Variants in HPSE2 observed in about 807,000 individuals in gnomAD.
The protein encoded by HPSE2 is inactive heparanase-2.
HPSE2 carries 38 observed loss-of-function variants against 60.5 expected under a neutral mutation model. The ratio of observed to expected loss-of-function variants is 0.63; its 90% CI spans 0.48 to 0.82. The LOEUF is 0.82. Among genes scored for constraint, HPSE2 ranks in the 40% least tolerant of loss-of-function variants. The probability of loss-of-function intolerance (pLI) is 0.00; values close to 1 mark genes in which losing one functional copy is unlikely to be tolerated. For missense variants in HPSE2, 713 were observed against 740.4 expected (o/e 0.96, Z 0.43); for synonymous variants, 295 against 293.2 (o/e 1.01, Z -0.06).
At chr10:98,763,967 T>G (rs1042630162) in intron 3 of HPSE2, among the ~76,000 whole-genome samples, 1 of 152,092 alleles carries the variant, frequency 6.6e-6, no homozygotes, top group Non-Finnish European at 1.5e-5. Flanking sequence ...TTAAAAGATG[T>G]ATGGCAGTTT....
the HPSE2 span, among the ~76,000 whole-genome samples, chr10:99,274,278 C>T: frequency 3.9e-5 from 6 of 152,260 alleles, no homozygotes; most frequent in Admixed American, 2.0e-4. Context: ...ACCTGGGAGA[C>T]GGAGGTTGCA....
intron 3 of HPSE2, among the ~76,000 whole-genome samples, chr10:99,044,929 A>G (rs776575964): frequency 6.6e-6 from 1 of 152,182 alleles, no homozygotes; most frequent in Non-Finnish European, 1.5e-5. Flanking sequence ...GGAGACTTCA[A>G]CACCTCACTG....
intron 6 of HPSE2, among the ~76,000 whole-genome samples, chr10:98,657,095 A>G (rs187131845): frequency 6.6e-6 from 1 of 151,568 alleles, no homozygotes; most frequent in Non-Finnish European, 1.5e-5. Flanking sequence ...TAATTTTCTC[A>G]TCACTTTATT....
intron 3 of HPSE2, among the ~76,000 whole-genome samples, chr10:98,933,024 C>T (rs1954684780): frequency 7.0e-6 from 1 of 143,600 alleles, no homozygotes; most frequent in African/African-American, 2.8e-5. Context: ...TTTGTTTGCT[C>T]TTGGTTCTCT....
intron 3 of HPSE2, among the ~76,000 whole-genome samples, chr10:98,938,079 A>C (rs1203806753): frequency 7.0e-6 from 1 of 142,760 alleles, no homozygotes; most frequent in Non-Finnish European, 1.5e-5. Flanking sequence ...CACACCAAAA[A>C]CCCATCTGTA....
chr10:99,270,073 A>G, the HPSE2 span, among the ~76,000 whole-genome samples: 1 of 152,212 alleles, frequency 6.6e-6, no homozygotes, highest in African/African-American at 2.4e-5. Flanking sequence ...ATCTCAAGGA[A>G]GTAAAGAAAC....
chr10:99,178,636 C>T lies in HPSE2; in HGVS notation c.449-34237G>A, dbSNP rs1847632031. ...AATTGAGGTAATAGTTACTAGCCTA[C>T]CAACCAAAAAAAGTCCAGGACCAGA... On this transcript the variant is annotated intron_variant, in intron 2 of 11. Transcript: ENST00000370552. 2.6e-5 allele frequency among the ~76,000 whole-genome samples: 4 copies of T among 152,044 alleles called. 1 individual carries two copies. In the South Asian group the frequency reaches 8.3e-4, roughly 32 times the overall value.
intron 2 of HPSE2, 112 bp downstream of exon 2, chr10:99,232,236 C>CACACAA (rs1161188964): frequency 1.6e-6 from 2 of 1,279,882 alleles, no homozygotes; most frequent in Admixed American, 2.0e-5. Context: ...CACACACACA[C>CACACAA]ACACACACAC....
intron 3 of HPSE2, among the ~76,000 whole-genome samples, chr10:99,100,666 C>T (rs1843929248): frequency 6.6e-6 from 1 of 152,018 alleles, no homozygotes; most frequent in Non-Finnish European, 1.5e-5. Context: ...TCCTCAAAAA[C>T]AGCAACTCCA....
chr10:98,737,851 C>A (rs1483077999), intron 4 of HPSE2, among the ~76,000 whole-genome samples: 2 of 152,116 alleles, frequency 1.3e-5, no homozygotes, highest in African/African-American at 4.8e-5. Flanking sequence ...GAAAAACCTT[C>A]CATACTCATG....
chr10:99,061,471 G>A (rs1842441989), intron 3 of HPSE2, among the ~76,000 whole-genome samples: 1 of 152,214 alleles, frequency 6.6e-6, no homozygotes, highest in African/African-American at 2.4e-5. Flanking sequence ...TAGCAGGACA[G>A]TTAATACAGT....
At chr10:99,247,558 T>C in the HPSE2 span, among the ~76,000 whole-genome samples, 2 of 152,230 alleles carry the variant, frequency 1.3e-5, no homozygotes, top group Non-Finnish European at 2.9e-5. Flanking sequence ...TAACCTTGAA[T>C]ATAAATGGTC....
chr10:98,640,276 T>C (rs1946605107), intron 7 of HPSE2, among the ~76,000 whole-genome samples: 1 of 152,220 alleles, frequency 6.6e-6, no homozygotes, highest in African/African-American at 2.4e-5. Context: ...TTTCACCAAA[T>C]GAATATCAAA....
chr10:98,728,444 C>A (rs947769713), intron 4 of HPSE2, among the ~76,000 whole-genome samples: 1 of 152,010 alleles, frequency 6.6e-6, no homozygotes, highest in African/African-American at 2.4e-5. Context: ...ATGGTGAAAC[C>A]CTGTCTCTAC....
chr10:98,516,056 G>A (rs1038164564), intron 9 of HPSE2, among the ~76,000 whole-genome samples: 36 of 152,142 alleles, frequency 2.4e-4, no homozygotes, highest in African/African-American at 8.5e-4. Context: ...CACACTATAT[G>A]TGAATTGCCT....
At chr10:98,949,054 G>T (rs1955272976) in intron 3 of HPSE2, among the ~76,000 whole-genome samples, 1 of 151,958 alleles carries the variant, frequency 6.6e-6, no homozygotes, top group Non-Finnish European at 1.5e-5. Context: ...ACGGGGAGTT[G>T]GTGCCCCCTC....
At chr10:98,923,641 GCTCA>G (rs548225820) in intron 3 of HPSE2, among the ~76,000 whole-genome samples, 186 of 151,706 alleles carry the variant, frequency 1.2e-3, no homozygotes, top group Admixed American at 4.0e-3. Flanking sequence ...CTGTCTCTAG[GCTCA>G]CTAATTCTTT....
intron 11 of HPSE2, 132 bp downstream of exon 11, chr10:98,482,504 C>G (rs1427516358): frequency 1.6e-5 from 18 of 1,104,134 alleles, no homozygotes; most frequent in Non-Finnish European, 2.5e-5. Flanking sequence ...CACCTGACCC[C>G]AGACCGCTCT....
At chr10:99,122,212 T>A (rs1427851533) in intron 3 of HPSE2, among the ~76,000 whole-genome samples, 1 of 152,074 alleles carries the variant, frequency 6.6e-6, no homozygotes, top group South Asian at 2.1e-4. Flanking sequence ...TATATAAACT[T>A]ATTTTTACCT....
Sources: gnomAD v4.1 joint callset for allele counts (sites outside exome capture counted in the v4.1 genomes callset) on GRCh38, gnomAD v4.1.1 for gene constraint, MANE v1.5 for transcripts, NCBI Gene and HGNC (gene_info 2026-07-23, HGNC 2026-07-21) for gene names.